The following CLVS1 variants were observed in gnomAD, a reference collection of about 807,000 sequenced individuals.
CLVS1 encodes clavesin 1.
Under a neutral mutation model 33.1 loss-of-function variants are expected in CLVS1, and 10 were observed. The ratio of observed to expected loss-of-function variants is 0.30; its 90% CI spans 0.19 to 0.51. The LOEUF (loss-of-function observed/expected upper bound fraction) is 0.51. Among genes scored for constraint, CLVS1 ranks in the 20% least tolerant of loss-of-function variants. CLVS1 has a pLI of 0.97. For synonymous variants in CLVS1, 163 were observed against 166.1 expected, an observed-to-expected ratio of 0.98 and a Z score of 0.14; for missense variants, 343 against 433.4, an observed-to-expected ratio of 0.79 and a Z score of 1.85.
rs78716595 is a variant in CLVS1, at chr8:61,236,347, C to T, written c.-151-63330C>T. Among the ~76,000 whole-genome samples the T allele has an allele frequency of 8.9e-3, 1,358 of 152,248 alleles. 13 individuals carry two copies. The highest frequency in any genetic ancestry group is 0.034 in the Middle Eastern group (10 of 294). ...GATGACAGTGCCAATTAAAGATGAA[C>T]GTGTTCAGCTCGTACATCATGGGGT... On this transcript the variant is annotated intron_variant, in intron 2 of 2. Coordinates refer to the CLVS1 transcript ENST00000522621.
intron 2 of CLVS1, among the ~76,000 whole-genome samples, chr8:61,209,519 G>A (rs1338962670): frequency 6.6e-6 from 1 of 152,198 alleles, no homozygotes; most frequent in Non-Finnish European, 1.5e-5. Flanking sequence ...GATGACCATT[G>A]CCTGATTGAG....
chr8:61,333,030 A>T (rs1811659336), intron 2 of CLVS1, among the ~76,000 whole-genome samples: 1 of 152,138 alleles, frequency 6.6e-6, no homozygotes, highest in African/African-American at 2.4e-5. Flanking sequence ...CCATTTTCCC[A>T]TGATTCTGTT....
chr8:61,430,044 A>G (rs1816052852), intron 3 of CLVS1, among the ~76,000 whole-genome samples: 1 of 152,210 alleles, frequency 6.6e-6, no homozygotes, highest in Non-Finnish European at 1.5e-5. Flanking sequence ...CTATGAATGT[A>G]AGCTTCCCTT....
At chr8:61,374,441 C>T (rs1379737508) in intron 2 of CLVS1, among the ~76,000 whole-genome samples, 4 of 152,182 alleles carry the variant, frequency 2.6e-5, no homozygotes, top group Non-Finnish European at 5.9e-5. Flanking sequence ...TGATCATTTC[C>T]GGTTTACCAA....
At chr8:61,208,480 A>T (rs1807903209) in intron 2 of CLVS1, among the ~76,000 whole-genome samples, 1 of 152,228 alleles carries the variant, frequency 6.6e-6, no homozygotes, top group Admixed American at 6.5e-5. Flanking sequence ...CACATTTTAG[A>T]TACTAAAATA....
At chr8:61,232,022 GGTT>G (rs1808443799) in intron 2 of CLVS1, among the ~76,000 whole-genome samples, 5 of 117,068 alleles carry the variant, frequency 4.3e-5, no homozygotes, top group African/African-American at 1.3e-4. Context: ...GGAAAGTTGT[GGTT>G]TTTTTTTTTT....
At chr8:61,371,086 T>G (rs577427333) in intron 2 of CLVS1, among the ~76,000 whole-genome samples, 49 of 152,364 alleles carry the variant, frequency 3.2e-4, no homozygotes, top group African/African-American at 1.1e-3. Flanking sequence ...TTTTCCATAG[T>G]GGTTGTACTA....
At chr8:61,040,980 T>A in the CLVS1 span, among the ~76,000 whole-genome samples, 1 of 152,194 alleles carries the variant, frequency 6.6e-6, no homozygotes, top group South Asian at 2.1e-4. Flanking sequence ...TAAATTTAAA[T>A]CTTTAATCCA....
At chr8:61,323,650 CT>C (rs543497983) in intron 2 of CLVS1, among the ~76,000 whole-genome samples, 398 of 149,362 alleles carry the variant, frequency 2.7e-3, no homozygotes, top group Non-Finnish European at 4.5e-3. Context: ...AGCAGTAACT[CT>C]TTTTTTTTTC....
chr8:61,150,434 T>C (rs1044684225), intron 2 of CLVS1, among the ~76,000 whole-genome samples: 2 of 152,204 alleles, frequency 1.3e-5, no homozygotes, highest in African/African-American at 4.8e-5. Flanking sequence ...GACCAGATGC[T>C]AGGGGAGACT....
intron 2 of CLVS1, among the ~76,000 whole-genome samples, chr8:61,194,810 A>G (rs1313856305): frequency 6.6e-6 from 1 of 151,842 alleles, no homozygotes; most frequent in African/African-American, 2.4e-5. Flanking sequence ...TTTAAAAACA[A>G]CCAAATGTCA....
chr8:60,992,064 G>A, the CLVS1 span, among the ~76,000 whole-genome samples: 10 of 152,076 alleles, frequency 6.6e-5, no homozygotes, highest in Non-Finnish European at 1.2e-4. Flanking sequence ...TGCTTCTTTA[G>A]GTTCCTGTTG....
the CLVS1 span, among the ~76,000 whole-genome samples, chr8:61,033,553 G>C: frequency 1.3e-5 from 2 of 152,228 alleles, no homozygotes; most frequent in African/African-American, 2.4e-5. Flanking sequence ...CCCTCAGTCA[G>C]GGGGGAGTGT....
Position 61,392,775 on chromosome 8 carries a change from G to T in CLVS1, c.630+15996G>T, listed in dbSNP as rs575654757. The stretch of plus-strand genomic sequence containing the variant: ...CTCAGGAGCCTGAGGCAGGAGAATT[G>T]CTTGAACCTGAGAGCCGAGATTGCA... On this transcript the variant is annotated intron_variant, in intron 3 of 5. Transcript: ENST00000325897. Among the ~76,000 whole-genome samples the T allele has an allele frequency of 2.0e-5, 3 of 151,298 alleles. No homozygotes were observed. The South Asian group carries it at 6.3e-4, about 32-fold the overall frequency.
At chr8:61,273,397 T>C (rs1809490596) in intron 2 of CLVS1, among the ~76,000 whole-genome samples, 1 of 152,192 alleles carries the variant, frequency 6.6e-6, no homozygotes, top group Admixed American at 6.5e-5. Flanking sequence ...TCTTCAAAGC[T>C]GTCAGAGAGG....
intron 2 of CLVS1, among the ~76,000 whole-genome samples, chr8:61,270,206 G>A (rs1346968038): frequency 6.6e-6 from 1 of 152,130 alleles, no homozygotes; most frequent in Non-Finnish European, 1.5e-5. Context: ...CTAATTTATT[G>A]AGAGTTTTTA....
At chr8:60,992,544 A>G in the CLVS1 span, among the ~76,000 whole-genome samples, 2 of 152,244 alleles carry the variant, frequency 1.3e-5, no homozygotes, top group African/African-American at 2.4e-5. Flanking sequence ...AATGGAGACA[A>G]ACATTTGTAC....
upstream of CLVS1, among the ~76,000 whole-genome samples, chr8:61,055,086 T>C (rs1331375474): frequency 6.6e-6 from 1 of 152,206 alleles, no homozygotes; most frequent in East Asian, 1.9e-4. Flanking sequence ...CATCATGGAA[T>C]AGAAATGATA....
chr8:61,438,742 T>C (rs1460185688), intron 3 of CLVS1, among the ~76,000 whole-genome samples: 2 of 152,136 alleles, frequency 1.3e-5, no homozygotes, highest in African/African-American at 4.8e-5. Flanking sequence ...GAGATGGTAT[T>C]TGGACAAGTT....
Sources: allele counts gnomAD v4.1 joint callset (sites outside exome capture counted in the v4.1 genomes callset), GRCh38; gene constraint gnomAD v4.1.1; transcripts MANE v1.5; gene names NCBI Gene and HGNC (gene_info 2026-07-23, HGNC 2026-07-21).